Variants in IFT80 observed in about 807,000 individuals in gnomAD.
The protein encoded by IFT80 is intraflagellar transport protein 80 homolog.
In IFT80, 79 loss-of-function variants were observed where a neutral mutation model predicts 107.9. The ratio of observed to expected loss-of-function variants is 0.73; its 90% confidence interval spans 0.61 to 0.88. IFT80 has a LOEUF of 0.88. Among genes scored for constraint, IFT80 ranks in the 40% least tolerant of loss-of-function variants. The probability of loss-of-function intolerance (pLI) is 0.00; values close to 1 mark genes in which losing one functional copy is unlikely to be tolerated. For synonymous variants in IFT80, 299 were observed against 300.9 expected, an observed-to-expected ratio of 0.99 and a Z score of 0.07; for missense variants, 797 against 914.2, an observed-to-expected ratio of 0.87 and a Z score of 1.65.
Position 160,258,125 on chromosome 3 carries a change from C to T in IFT80, c.*400G>A, listed in dbSNP as rs2108188882. 1 of 204,294 alleles carries T rather than the reference C, an allele frequency of 4.9e-6. No individual in the cohort carries two copies. The highest frequency in any genetic ancestry group is 8.2e-5 in the South Asian group (1 of 12,130). 12.7% of individuals were successfully genotyped at this position (204,294 alleles called of 1,614,324 possible). ...CATGTATTTTTGTTCTATAAATAAA[C>T]TTTTGGAGGCATTTTACAATTTAGA... On this transcript the variant is annotated 3_prime_UTR_variant, in exon 20 of 20. Transcript: ENST00000326448.
chr3:160,266,323 TTTC>T (rs999253980), intron 19 of IFT80, among the ~76,000 whole-genome samples: 40 of 142,136 alleles, frequency 2.8e-4, no homozygotes, highest in African/African-American at 9.7e-4. Flanking sequence ...TAGTAAGGAC[TTTC>T]TTTTCTTTCT....
intron 9 of IFT80, among the ~76,000 whole-genome samples, chr3:160,312,622 T>A (rs1478826209): frequency 2.2e-5 from 1 of 46,214 alleles, no homozygotes; most frequent in Non-Finnish European, 4.1e-5. Flanking sequence ...AAATATATAA[T>A]ATATATATAT....
chr3:160,268,028 T>C (rs781753149), intron 19 of IFT80, among the ~76,000 whole-genome samples: 4 of 152,242 alleles, frequency 2.6e-5, no homozygotes, highest in Non-Finnish European at 4.4e-5. Flanking sequence ...TGACCAACTA[T>C]GCATTTTCTG....
In IFT80 at chr3:160,385,292, G is replaced by C. The variant is rs137894315; in HGVS notation, c.-46-646C>G. On this transcript the variant is annotated intron_variant, in intron 1 of 19. Coordinates refer to ENST00000326448, the MANE Select transcript of IFT80 (RefSeq NM_020800.3). ...TCCCCAAACAGCCATATCATCAAAAGACACAAATCATTGCTATGAATATAG... is the reference window on the plus strand; with the variant it reads ...TCCCCAAACAGCCATATCATCAAAACACACAAATCATTGCTATGAATATAG... 3.3e-5 allele frequency among the ~76,000 whole-genome samples: 5 copies of C among 152,226 alleles called. No individual in the cohort carries two copies. The East Asian group carries it at 7.7e-4, about 23-fold the overall frequency.
At chr3:160,376,512 C>T (rs1193928752) in intron 4 of IFT80, among the ~76,000 whole-genome samples, 4 of 152,106 alleles carry the variant, frequency 2.6e-5, no homozygotes, top group Non-Finnish European at 4.4e-5. Flanking sequence ...TAGAGAAGGC[C>T]CACAGTATAG....
rs980044906 is a variant in IFT80 at position 160,381,786 on chromosome 3, C to G, written c.38-62G>C. 1.3e-5 allele frequency: 17 copies of G among 1,292,362 alleles called. No individual in the cohort carries two copies. In the African/African-American group the frequency reaches 2.5e-4, roughly 19 times the overall value. The allele number at this position is 1,292,362 out of a possible 1,614,324, so 80.1% of individuals were successfully genotyped here. ...GTCTTTAATCTTAATGAATAATTCA[C>G]AGATGCAGATTATAAGGTATAAGTA... On this transcript the variant is annotated intron_variant, in intron 2 of 19. Coordinates refer to ENST00000326448, the MANE Select transcript of IFT80 (RefSeq NM_020800.3).
rs529777087 is a variant in IFT80 at position 160,282,349 on chromosome 3, G to C, written c.1516+129C>G. ...TTTCACTCCTACTTTTTTAAAAAAA[G>C]GGTTAAATAGCTAAGAAGTATTACA... On this transcript the variant is annotated intron_variant, in intron 14 of 19. Transcript: ENST00000326448. 221 of 661,570 alleles carry C rather than the reference G, an allele frequency of 3.3e-4. No homozygotes were observed. The African/African-American group carries it at 3.8e-3, about 11-fold the overall frequency. The allele number at this position is 661,570 out of a possible 1,614,324, so 41.0% of individuals were successfully genotyped here. A position where few individuals can be genotyped will look rare whatever the true frequency, so the allele number is the denominator to read the frequency against.
At chr3:160,293,920 G>A (rs1002995307) in intron 12 of IFT80, among the ~76,000 whole-genome samples, 2 of 152,176 alleles carry the variant, frequency 1.3e-5, no homozygotes, top group African/African-American at 4.8e-5. Context: ...AAGCTCAGTG[G>A]AGCTTCCTTG....
intron 9 of IFT80, among the ~76,000 whole-genome samples, chr3:160,316,558 G>T (rs1017939879): frequency 3.3e-5 from 5 of 152,130 alleles, no homozygotes; most frequent in African/African-American, 1.2e-4. Context: ...CTCAAGGATA[G>T]ACTATAGCAT....
chr3:160,313,786 T>C (rs1261690918), intron 9 of IFT80, among the ~76,000 whole-genome samples: 1 of 152,076 alleles, frequency 6.6e-6, no homozygotes, highest in African/African-American at 2.4e-5. Flanking sequence ...ATTTTTTGTA[T>C]TTTTAGTAGA....
At chr3:160,354,648 G>T (rs904830423) in intron 8 of IFT80, among the ~76,000 whole-genome samples, 1 of 152,026 alleles carries the variant, frequency 6.6e-6, no homozygotes, top group African/African-American at 2.4e-5. Context: ...GCAAGGCTCC[G>T]TCTCAAAAAT....
At chr3:160,398,903 C>T (rs1442078951) in intron 1 of IFT80, among the ~76,000 whole-genome samples, 1 of 152,072 alleles carries the variant, frequency 6.6e-6, no homozygotes, top group East Asian at 1.9e-4. Flanking sequence ...ATCATTATTG[C>T]GCTATTCACA....
Position 160,344,611 on chromosome 3 carries a change from A to G in IFT80, c.777+11402T>C, listed in dbSNP as rs528145545. Among the ~76,000 whole-genome samples, 3 of 152,304 alleles carry G rather than the reference A, an allele frequency of 2.0e-5. No individual in the cohort carries two copies. In the East Asian group the frequency reaches 5.8e-4, roughly 29 times the overall value. On this transcript the variant is annotated intron_variant, in intron 8 of 19. Transcript: ENST00000326448. Reference sequence around the variant, plus strand: ...CAAATGGGATCACATCAAGTTAAAAAGCTTCTGTACAGCAGAGGAGACAAT... The same window carrying G: ...CAAATGGGATCACATCAAGTTAAAAGGCTTCTGTACAGCAGAGGAGACAAT...
intron 12 of IFT80, among the ~76,000 whole-genome samples, chr3:160,297,178 T>A (rs1056734381): frequency 3.9e-5 from 6 of 152,138 alleles, no homozygotes; most frequent in Non-Finnish European, 7.4e-5. Flanking sequence ...TTTCTCTGTT[T>A]CACCAAGGCT....
intron 8 of IFT80, among the ~76,000 whole-genome samples, chr3:160,329,460 A>G (rs558608080): frequency 1.3e-5 from 2 of 152,234 alleles, no homozygotes; most frequent in South Asian, 4.2e-4. Context: ...AATATGGCAC[A>G]TCGACACAGA....
chr3:160,383,747 C>T (rs889076239), intron 2 of IFT80: 1 of 985,206 alleles, frequency 1.0e-6, no homozygotes, highest in Admixed American at 6.2e-5. Flanking sequence ...TGACACATAA[C>T]TGGGGACTCT....
Position 160,336,591 on chromosome 3 carries a change from A to ATG in IFT80, c.778-16654_778-16653dup, listed in dbSNP as rs111936021. Among the ~76,000 whole-genome samples the ATG allele has an allele frequency of 3.5e-3, 517 of 149,544 alleles. 4 individuals carry two copies. Among genetic ancestry groups the ATG allele is most frequent in the African/African-American group, 0.011 (446 of 40,992 alleles). ...TCACATCTTTCTTCAACATGTGTGT[A>ATG]TGTGTGTGTGTGTGTGTATCCATAG... On this transcript the variant is annotated intron_variant, in intron 8 of 19. Transcript: ENST00000326448.
At chr3:160,361,126 G>A (rs1329653119) in intron 6 of IFT80, among the ~76,000 whole-genome samples, 5 of 152,158 alleles carry the variant, frequency 3.3e-5, no homozygotes, top group African/African-American at 1.2e-4. Flanking sequence ...CTGTATTCAG[G>A]AGAACCATCT....
chr3:160,360,009 T>C (rs1721378421), intron 6 of IFT80, among the ~76,000 whole-genome samples: 1 of 152,204 alleles, frequency 6.6e-6, no homozygotes, highest in East Asian at 1.9e-4. Flanking sequence ...ATGACTTTGA[T>C]GAGTTGACAT....
Sources: allele counts gnomAD v4.1 joint callset (sites outside exome capture counted in the v4.1 genomes callset), GRCh38; gene constraint gnomAD v4.1.1; transcripts MANE v1.5; gene names NCBI Gene and HGNC (gene_info 2026-07-23, HGNC 2026-07-21).